The following BICRA variants were observed in gnomAD, a reference collection of about 807,000 sequenced individuals.
The protein encoded by BICRA is BRD4-interacting chromatin-remodeling complex-associated protein.
A neutral mutation model predicts 96.9 loss-of-function variants in BICRA; 31 were observed. The ratio of observed to expected loss-of-function variants is 0.32; its 90% CI spans 0.24 to 0.43. The LOEUF (loss-of-function observed/expected upper bound fraction) is 0.43, where lower values mean the gene tolerates loss of function less well. Ranked by LOEUF, BICRA falls within the 20% of genes least tolerant of loss-of-function variation. BICRA has a pLI of 1.00. For synonymous variants in BICRA, 1,350 were observed against 1,071.8 expected (o/e 1.26, Z -5.07); for missense variants, 2,283 against 2,190.3 (o/e 1.04, Z -0.84).
At chr19:47,685,786 T>TGTGTGTGTGTGTGTGCGCGC in intron 7 of BICRA, among the ~76,000 whole-genome samples, 31 of 117,966 alleles carry the variant, frequency 2.6e-4, no homozygotes, top group African/African-American at 1.1e-3. Flanking sequence ...TGTGTGTGTG[T>TGTGTGTGTGTGTGTGCGCGC]GCGCGCGCGC....
At chr19:47,695,342 T>TCGGGGGGGCCC in intron 9 of BICRA, 23 bp from the exon 10 acceptor site, 7 of 630,198 alleles carry the variant, frequency 1.1e-5, no homozygotes, top group South Asian at 1.9e-5. Flanking sequence ...AGGCCCTGTC[T>TCGGGGGGGCCC]CCCCCACCCC....
chr19:47,679,791 A>G lies in BICRA; in HGVS notation c.621A>G (p.Thr207=), dbSNP rs1035262165. 2.7e-6 allele frequency: 4 copies of G among 1,492,358 alleles called. No individual in the cohort carries two copies. The Admixed American group carries it at 9.5e-5, about 35-fold the overall frequency. 92.4% of individuals were successfully genotyped at this position (1,492,358 alleles called of 1,614,324 possible). ...FLQPVGLGNV[T]LQPIPGLQGL... ...AGCCTGTGGGCCTGGGCAATGTGAC[A>G]CTGCAGCCCATCCCGGGCCTCCAAG... The change falls in exon 6 of 15, where the codon ACA becomes ACG. Residue 207 remains threonine, a synonymous_variant. Transcript: ENST00000594866.
At chr19:47,665,892 A>G (rs1032480793) in intron 1 of BICRA, among the ~76,000 whole-genome samples, 1 of 152,240 alleles carries the variant, frequency 6.6e-6, no homozygotes, top group Admixed American at 6.5e-5. Flanking sequence ...AGATACACAC[A>G]CAGGCCATGT....
intron 1 of BICRA, among the ~76,000 whole-genome samples, chr19:47,626,717 GTTTTTTT>G (rs35347398): frequency 9.9e-6 from 1 of 101,254 alleles, no homozygotes; most frequent in Non-Finnish European, 1.9e-5. Context: ...TGCATCCTGG[GTTTTTTT>G]TTTTTTTTTT....
intron 1 of BICRA, among the ~76,000 whole-genome samples, chr19:47,629,461 G>A (rs537138862): frequency 6.6e-6 from 1 of 152,236 alleles, no homozygotes; most frequent in East Asian, 1.9e-4. Flanking sequence ...TTCACTTATT[G>A]TATTGTCCTG....
At chr19:47,622,520 C>T (rs1479757209) in intron 1 of BICRA, among the ~76,000 whole-genome samples, 4 of 148,400 alleles carry the variant, frequency 2.7e-5, no homozygotes, top group Non-Finnish European at 4.5e-5. Flanking sequence ...GTCAGGAGAT[C>T]GAGACCATCC....
chr19:47,689,991 C>G (rs928233653), intron 7 of BICRA, among the ~76,000 whole-genome samples: 1 of 152,094 alleles, frequency 6.6e-6, no homozygotes, highest in African/African-American at 2.4e-5. Context: ...ACAACTTGTT[C>G]ACCTGTTTTG....
Position 47,681,361 on chromosome 19 carries a change from A to G in BICRA, c.2106+85A>G, listed in dbSNP as rs1037506040. 27 of 1,230,222 alleles carry G rather than the reference A, an allele frequency of 2.2e-5. No individual in the cohort carries two copies. The African/African-American group carries it at 3.1e-4, about 14-fold the overall frequency. 76.2% of individuals were successfully genotyped at this position (1,230,222 alleles called of 1,614,324 possible). A position where few individuals can be genotyped will look rare whatever the true frequency, so the allele number is the denominator to read the frequency against. ...GTCCTGGGGCGAGGCGCCAAGATCCAAAAGTGGATGCCACTGTGGCAGCTG... is the reference window on the plus strand; with the variant it reads ...GTCCTGGGGCGAGGCGCCAAGATCCGAAAGTGGATGCCACTGTGGCAGCTG... On this transcript the variant is annotated intron_variant, in intron 6 of 14. Transcript: ENST00000594866.
At chr19:47,622,997 A>G (rs990499939) in intron 1 of BICRA, among the ~76,000 whole-genome samples, 1 of 151,740 alleles carries the variant, frequency 6.6e-6, no homozygotes, top group Admixed American at 6.6e-5. Context: ...AGATAGTGCC[A>G]CTGCACTCCA....
chr19:47,701,178 GT>G lies in BICRA; in HGVS notation c.3596-149del. ...GGGAATTTGGGCCTTGCTGAAGAGGGTCTCACCAAGCCTATCCTGAGGATTG... is the reference window on the plus strand; with the variant it reads ...GGGAATTTGGGCCTTGCTGAAGAGGGCTCACCAAGCCTATCCTGAGGATTG... On this transcript the variant is annotated intron_variant, in intron 14 of 14. Coordinates refer to ENST00000594866, the MANE Select transcript of BICRA (RefSeq NM_001394372.1). This position sits in a 1 kb window ranked among gnomAD's most constrained non-coding sequence, Gnocchi z 5.4. 1 of 626,486 alleles carries G rather than the reference GT, an allele frequency of 1.6e-6. No individual in the cohort carries two copies. Among genetic ancestry groups the G allele is most frequent in the Non-Finnish European group, 2.8e-6 (1 of 354,372 alleles). 38.8% of individuals were successfully genotyped at this position (626,486 alleles called of 1,614,324 possible).
At chr19:47,652,944 A>G (rs1028751955) in intron 1 of BICRA, among the ~76,000 whole-genome samples, 1 of 151,400 alleles carries the variant, frequency 6.6e-6, no homozygotes, top group African/African-American at 2.4e-5. Context: ...ACACCCTTCT[A>G]CATTTTACTT....
Position 47,675,818 on chromosome 19 carries a change from T to A in BICRA, c.85-33T>A, listed in dbSNP as rs748460400. 89 of 1,585,698 alleles carry A rather than the reference T, an allele frequency of 5.6e-5. No homozygotes were observed. Among genetic ancestry groups the A allele is most frequent in the Non-Finnish European group, 7.4e-5 (86 of 1,159,406 alleles). ...CAGAGCATGGGCCTGCCCTGCTGAC[T>A]TTTGACCTTGGATGGGGCGGGTCTT... is the stretch of plus-strand genomic sequence containing the variant. On this transcript the variant is annotated intron_variant, in intron 4 of 14. Transcript: ENST00000594866. The surrounding 1 kb of genome is among the most constrained non-coding windows in gnomAD (Gnocchi z 4.7).
At position 47,698,877 on chromosome 19, in the gene BICRA, G is replaced by A. The variant is rs1299159237; in HGVS notation, c.3398-88G>A. 3.0e-6 allele frequency: 4 copies of A among 1,346,816 alleles called. No individual in the cohort carries two copies. Among genetic ancestry groups the A allele is most frequent in the East Asian group, 5.0e-5 (2 of 40,182 alleles). The allele number at this position is 1,346,816 out of a possible 1,614,324, so 83.4% of individuals were successfully genotyped here. The stretch of plus-strand genomic sequence containing the variant: ...GTGTGGAGCCGCAGGTCCACGGTGC[G>A]CTATGCTGACCCTGCCCCGCCCTCC... On this transcript the variant is annotated intron_variant, in intron 12 of 14. Coordinates refer to ENST00000594866, the MANE Select transcript of BICRA (RefSeq NM_001394372.1). The surrounding 1 kb of genome is among the most constrained non-coding windows in gnomAD (Gnocchi z 4.8).
At chr19:47,634,483 C>T (rs1037289761) in intron 1 of BICRA, among the ~76,000 whole-genome samples, 6 of 152,120 alleles carry the variant, frequency 3.9e-5, no homozygotes, top group African/African-American at 1.2e-4. Flanking sequence ...TTTCTCTCCC[C>T]CTTGATCACT....
intron 7 of BICRA, among the ~76,000 whole-genome samples, chr19:47,689,996 G>GTTTTGT (rs1043536223): frequency 6.6e-5 from 10 of 151,952 alleles, no homozygotes; most frequent in African/African-American, 2.2e-4. Flanking sequence ...TTGTTCACCT[G>GTTTTGT]TTTTGTTTTT....
Position 47,675,997 on chromosome 19 carries a change from C to T in BICRA, c.150+81C>T. Reference sequence around the variant, plus strand: ...AGGGCCCTGAAGCCAAGAGGGGAGGCTTGGGCTCATCTCGTGAGGGCTGTT... The same window carrying T: ...AGGGCCCTGAAGCCAAGAGGGGAGGTTTGGGCTCATCTCGTGAGGGCTGTT... On this transcript the variant is annotated intron_variant, in intron 5 of 14. Coordinates refer to ENST00000594866, the MANE Select transcript of BICRA (RefSeq NM_001394372.1). This position sits in a 1 kb window ranked among gnomAD's most constrained non-coding sequence, Gnocchi z 4.7. 1.4e-6 allele frequency: 1 copy of T among 739,628 alleles called. No individual in the cohort carries two copies. 45.8% of individuals were successfully genotyped at this position (739,628 alleles called of 1,614,324 possible). A position where few individuals can be genotyped will look rare whatever the true frequency, so the allele number is the denominator to read the frequency against.
intron 2 of BICRA, among the ~76,000 whole-genome samples, chr19:47,672,827 A>T (rs1310187141): frequency 6.6e-6 from 1 of 151,938 alleles, no homozygotes; most frequent in African/African-American, 2.4e-5. Context: ...GCACTCGACA[A>T]ATGTTAGCCA....
chr19:47,693,754 C>G (rs1973276997), intron 7 of BICRA, among the ~76,000 whole-genome samples: 1 of 152,220 alleles, frequency 6.6e-6, no homozygotes, highest in Admixed American at 6.5e-5. Flanking sequence ...CCTGCTGCCA[C>G]CGCCACCACT....
chr19:47,641,897 T>C (rs1440518635), intron 1 of BICRA, among the ~76,000 whole-genome samples: 1 of 152,234 alleles, frequency 6.6e-6, no homozygotes, highest in Non-Finnish European at 1.5e-5. Flanking sequence ...GTATCATAGT[T>C]GTCAGTGTTC....
Sources: gnomAD v4.1 joint callset for allele counts (sites outside exome capture counted in the v4.1 genomes callset) on GRCh38, gnomAD v4.1.1 for gene constraint, Gnocchi (gnomAD v3.1) non-coding constraint, MANE v1.5 for transcripts, NCBI Gene and HGNC (gene_info 2026-07-23, HGNC 2026-07-21) for gene names.